Variants in CNGA3 observed in about 807,000 individuals in gnomAD.
CNGA3 encodes cyclic nucleotide-gated channel alpha-3.
Under a neutral mutation model 46.6 loss-of-function variants are expected in CNGA3, and 42 were observed. That is an observed-to-expected ratio of 0.90 (90% CI 0.70 to 1.17). The LOEUF (loss-of-function observed/expected upper bound fraction) is 1.17, where lower values mean the gene tolerates loss of function less well. Among genes scored for constraint, CNGA3 ranks in the 50% most tolerant of loss-of-function variants. The pLI, the probability that CNGA3 is intolerant of heterozygous loss-of-function variation, is 0.00. For missense variants in CNGA3, 893 were observed against 890.7 expected, an observed-to-expected ratio of 1.00 and a Z score of -0.03; for synonymous variants, 394 against 369.4, an observed-to-expected ratio of 1.07 and a Z score of -0.76.
intron 7 of CNGA3, among the ~76,000 whole-genome samples, chr2:98,392,694 T>A (rs968360598): frequency 2.6e-5 from 4 of 152,152 alleles, no homozygotes; most frequent in African/African-American, 9.7e-5. Flanking sequence ...GAGAGCTCAG[T>A]CAATCTTGGA....
chr2:98,396,561 T>C lies in CNGA3; in HGVS notation c.1391T>C (p.Leu464Pro). The C allele has an allele frequency of 6.2e-7, 1 of 1,613,994 alleles. No homozygotes were observed. Among genetic ancestry groups the C allele is most frequent in the Non-Finnish European group, 8.5e-7 (1 of 1,179,962 alleles). The change falls in exon 8 of 8, where the codon CTG (leucine) becomes CCG (proline). Residue 464 changes from leucine (L) to proline (P), a missense_variant. By Grantham distance (98) the Leu-to-Pro change is moderately conservative. Around this residue, in one of 3 missense-constraint regions of CNGA3, gnomAD observed 548 missense variants for 570.8 expected, o/e 0.96. Transcript: ENST00000272602. The stretch of plus-strand genomic sequence containing the variant: ...GTGCTCAAGAGCCTCCCAGACAAGC[T>C]GAAGGCTGAGATCGCCATCAACGTG... ...KEVLKSLPDK[L>P]KAEIAINVHL...
intron 1 of CNGA3, among the ~76,000 whole-genome samples, chr2:98,354,824 A>G (rs1286988503): frequency 6.6e-6 from 1 of 152,158 alleles, no homozygotes; most frequent in Non-Finnish European, 1.5e-5. Context: ...CCCATTCTTT[A>G]GATTGCTTTT....
chr2:98,383,458 C>G lies in CNGA3; in HGVS notation c.449+17C>G. 1 of 1,614,116 alleles carries G rather than the reference C, an allele frequency of 6.2e-7. No homozygotes were observed. Among genetic ancestry groups the G allele is most frequent in the Non-Finnish European group, 8.5e-7 (1 of 1,179,974 alleles). Reference sequence around the variant, plus strand: ...GGAGGAGGAGTAAGTACCCACACACCCAGCAGAGCCCTCCCCAAGCCCGGT... The same window carrying G: ...GGAGGAGGAGTAAGTACCCACACACGCAGCAGAGCCCTCCCCAAGCCCGGT... On this transcript the variant is annotated intron_variant, in intron 5 of 7. Transcript: ENST00000272602.
chr2:98,389,407 A>G (rs374974648), intron 5 of CNGA3, among the ~76,000 whole-genome samples: 2 of 152,312 alleles, frequency 1.3e-5, no homozygotes, highest in East Asian at 3.9e-4. Flanking sequence ...GAATGTCATC[A>G]CCATTACCTT....
At chr2:98,369,627 C>G (rs562477607) in intron 1 of CNGA3, among the ~76,000 whole-genome samples, 30 of 152,352 alleles carry the variant, frequency 2.0e-4, no homozygotes, top group African/African-American at 5.8e-4. Context: ...GAGGGCTTCA[C>G]CTTCCTTATA....
chr2:98,349,054 C>T (rs1558800495), intron 1 of CNGA3, among the ~76,000 whole-genome samples: 1 of 152,078 alleles, frequency 6.6e-6, no homozygotes, highest in Admixed American at 6.5e-5. Flanking sequence ...GAGAGTAAGG[C>T]CCTGCTGTGG....
intron 7 of CNGA3, among the ~76,000 whole-genome samples, chr2:98,394,261 A>G (rs1171817907): frequency 1.3e-5 from 2 of 152,216 alleles, no homozygotes; most frequent in African/African-American, 4.8e-5. Flanking sequence ...TTCACCCATC[A>G]TAATGCCCCT....
At chr2:98,379,012 G>A (rs1692476999) in intron 3 of CNGA3, among the ~76,000 whole-genome samples, 1 of 152,232 alleles carries the variant, frequency 6.6e-6, no homozygotes, top group African/African-American at 2.4e-5. Context: ...CAGTTCAGAG[G>A]CCTGAGTGGC....
chr2:98,387,282 C>T (rs1692675116), intron 5 of CNGA3, among the ~76,000 whole-genome samples: 1 of 152,164 alleles, frequency 6.6e-6, no homozygotes, highest in South Asian at 2.1e-4. Context: ...ACACGTATCG[C>T]ACACAGCCTT....
intron 4 of CNGA3, among the ~76,000 whole-genome samples, chr2:98,382,282 G>A (rs1692556630): frequency 6.6e-6 from 1 of 152,196 alleles, no homozygotes; most frequent in Admixed American, 6.5e-5. Flanking sequence ...TCCTGTGTGG[G>A]CTTGGCTTTG....
intron 1 of CNGA3, among the ~76,000 whole-genome samples, chr2:98,359,169 C>T (rs1400581830): frequency 6.6e-6 from 1 of 152,230 alleles, no homozygotes; most frequent in Non-Finnish European, 1.5e-5. Flanking sequence ...TAGAAAGTGT[C>T]TCAGAGCCAC....
At chr2:98,360,360 G>A (rs1692001581) in intron 1 of CNGA3, among the ~76,000 whole-genome samples, 2 of 152,204 alleles carry the variant, frequency 1.3e-5, no homozygotes, top group Admixed American at 1.3e-4. Flanking sequence ...GATAGAGAAA[G>A]CAGCTGAGGG....
At chr2:98,377,963 T>C (rs1045768460) in intron 3 of CNGA3, 163 bp downstream of exon 3, 4 of 1,408,098 alleles carry the variant, frequency 2.8e-6, no homozygotes, top group African/African-American at 1.4e-5. Flanking sequence ...AGTAATTTCC[T>C]CTTGGGTCAG....
intron 5 of CNGA3, among the ~76,000 whole-genome samples, chr2:98,384,388 A>G (rs1327089030): frequency 6.6e-6 from 1 of 152,214 alleles, no homozygotes; most frequent in Non-Finnish European, 1.5e-5. Flanking sequence ...TTAGTTGGAG[A>G]TTAGGGAAAA....
chr2:98,384,076 AG>A lies in CNGA3; in HGVS notation c.449+642del, dbSNP rs538499110. The stretch of plus-strand genomic sequence containing the variant: ...TAGTTTTTTTGTATTTTTAGTAGAG[AG>A]GGGGGGTTTCACCGTGTTAGCCAGG... On this transcript the variant is annotated intron_variant, in intron 5 of 7. Transcript: ENST00000272602. 6.2e-4 allele frequency among the ~76,000 whole-genome samples: 94 copies of A among 151,834 alleles called. 1 individual carries two copies. Among genetic ancestry groups the A allele is most frequent in the Non-Finnish European group, 1.1e-3 (74 of 67,926 alleles).
chr2:98,358,018 G>C (rs539622222), intron 1 of CNGA3, among the ~76,000 whole-genome samples: 6 of 152,242 alleles, frequency 3.9e-5, no homozygotes, highest in Admixed American at 6.5e-5. Context: ...GAGGATTCAC[G>C]CGTGATGGAT....
chr2:98,361,001 A>AT (rs770524359), intron 1 of CNGA3, among the ~76,000 whole-genome samples: 16 of 99,982 alleles, frequency 1.6e-4, no homozygotes, highest in South Asian at 7.8e-4. Flanking sequence ...TTTTATTTTT[A>AT]TTTTATTTTA....
chr2:98,369,434 G>T (rs187316553), intron 1 of CNGA3, among the ~76,000 whole-genome samples: 1 of 152,028 alleles, frequency 6.6e-6, no homozygotes, highest in Non-Finnish European at 1.5e-5. Context: ...GAGATGAATC[G>T]TGTATTGGGT....
chr2:98,356,443 C>G (rs1157556146), intron 1 of CNGA3, among the ~76,000 whole-genome samples: 2 of 152,152 alleles, frequency 1.3e-5, no homozygotes, highest in African/African-American at 2.4e-5. Flanking sequence ...CATCAAGACT[C>G]TGTACTCTGT....
Sources: allele counts gnomAD v4.1 joint callset (sites outside exome capture counted in the v4.1 genomes callset), GRCh38; gene constraint gnomAD v4.1.1; regional missense constraint gnomAD v4.1.1; transcripts MANE v1.5; gene names NCBI Gene and HGNC (gene_info 2026-07-23, HGNC 2026-07-21).